Variants in CYTH1 observed in about 807,000 individuals in gnomAD.
The protein encoded by CYTH1 is cytohesin-1.
CYTH1 carries 18 observed loss-of-function variants against 61.8 expected under a neutral mutation model. That is an observed-to-expected ratio of 0.29 (90% CI 0.20 to 0.43). CYTH1 has a LOEUF of 0.43. CYTH1 is among the 20% of genes least tolerant of loss of function. The pLI, the probability that CYTH1 is intolerant of heterozygous loss-of-function variation, is 1.00. For missense variants in CYTH1, 336 were observed against 510.5 expected (o/e 0.66, Z 3.29); for synonymous variants, 174 against 184.3 (o/e 0.94, Z 0.45).
At chr17:78,766,256 C>A (rs1355566126) in intron 1 of CYTH1, among the ~76,000 whole-genome samples, 1 of 152,076 alleles carries the variant, frequency 6.6e-6, no homozygotes, top group East Asian at 1.9e-4. Flanking sequence ...TTTCAGCAGC[C>A]TTTTTATTTA....
At chr17:78,698,211 A>ACACGCACACG (rs2092966476) in intron 9 of CYTH1, 58 bp downstream of exon 9, 1 of 1,420,618 alleles carries the variant, frequency 7.0e-7, no homozygotes, top group East Asian at 2.3e-5. Context: ...ACACGCACAC[A>ACACGCACACG]CACCGCCTTT....
chr17:78,710,613 T>A (rs1035488647), intron 1 of CYTH1, among the ~76,000 whole-genome samples: 1 of 152,218 alleles, frequency 6.6e-6, no homozygotes, highest in African/African-American at 2.4e-5. Context: ...AATATCAAAT[T>A]AGGTCACTTC....
At chr17:78,752,484 G>A (rs1024731544) in intron 1 of CYTH1, among the ~76,000 whole-genome samples, 1 of 152,170 alleles carries the variant, frequency 6.6e-6, no homozygotes, top group African/African-American at 2.4e-5. Context: ...CCAGGCTGGA[G>A]TGTAGTGGTG....
At chr17:78,698,431 C>T in intron 8 of CYTH1, 51 bp from the exon 9 acceptor site, 1 of 1,436,908 alleles carries the variant, frequency 7.0e-7, no homozygotes. Context: ...ATATTTTTTC[C>T]TCCTCCCCTT....
intron 1 of CYTH1, among the ~76,000 whole-genome samples, chr17:78,738,515 G>A (rs2093329939): frequency 6.6e-6 from 1 of 152,096 alleles, no homozygotes. Context: ...ACAACGGGGC[G>A]CTGTCTCCAG....
intron 1 of CYTH1, among the ~76,000 whole-genome samples, chr17:78,737,743 T>C (rs951897198): frequency 6.6e-6 from 1 of 152,190 alleles, no homozygotes; most frequent in Non-Finnish European, 1.5e-5. Flanking sequence ...TTGTTGAAGA[T>C]TAGAAAATAG....
intron 1 of CYTH1, among the ~76,000 whole-genome samples, chr17:78,762,160 T>C (rs542594985): frequency 2.6e-5 from 4 of 152,352 alleles, no homozygotes; most frequent in Admixed American, 1.3e-4. Context: ...AAAAATTATC[T>C]TTACTCTCAG....
At position 78,692,553 on chromosome 17, in the gene CYTH1, C is replaced by T. The variant is rs749021541; in HGVS notation, c.815-60G>A. The T allele has an allele frequency of 3.1e-5, 45 of 1,466,490 alleles. No homozygotes were observed. In the Admixed American group the frequency reaches 3.7e-4, roughly 12 times the overall value. The allele number at this position is 1,466,490 out of a possible 1,614,324, so 90.8% of individuals were successfully genotyped here. On this transcript the variant is annotated intron_variant, in intron 10 of 13. Transcript: ENST00000446868. Reference sequence around the variant, plus strand: ...GACAACCAGACAAGTGCAGGCTCCACGACACACACGACACCCTCTCTTCTC... The same window carrying T: ...GACAACCAGACAAGTGCAGGCTCCATGACACACACGACACCCTCTCTTCTC...
At chr17:78,733,606 T>C (rs1337234371) in intron 1 of CYTH1, among the ~76,000 whole-genome samples, 2 of 152,242 alleles carry the variant, frequency 1.3e-5, no homozygotes. Context: ...GGGACAGGCA[T>C]GTAAGCCCGT....
intron 10 of CYTH1, among the ~76,000 whole-genome samples, chr17:78,694,284 T>G (rs1046711827): frequency 4.6e-5 from 7 of 152,202 alleles, no homozygotes; most frequent in Admixed American, 2.0e-4. Context: ...GCGAGGGAAT[T>G]TGCTGTAAGC....
chr17:78,700,179 G>T lies in CYTH1; in HGVS notation c.550+152C>A. 1 of 662,122 alleles carries T rather than the reference G, an allele frequency of 1.5e-6. No homozygotes were observed. The highest frequency in any genetic ancestry group is 2.4e-6 in the Non-Finnish European group (1 of 409,174). The allele number at this position is 662,122 out of a possible 1,614,324, so 41.0% of individuals were successfully genotyped here. On this transcript the variant is annotated intron_variant, in intron 7 of 13. Coordinates refer to ENST00000446868, the MANE Select transcript of CYTH1 (RefSeq NM_004762.6). The surrounding 1 kb of genome is among the most constrained non-coding windows in gnomAD (Gnocchi z 5.1). ...ATAGTGCCTTAATGTCAGACTTTCA[G>T]GTTATTTCCAACATTTTACTATTAT...
chr17:78,771,339 A>T (rs2093470589), intron 1 of CYTH1, among the ~76,000 whole-genome samples: 1 of 152,144 alleles, frequency 6.6e-6, no homozygotes, highest in South Asian at 2.1e-4. Flanking sequence ...ACTCAGGTGG[A>T]TGAAGCATGA....
chr17:78,686,990 A>G (rs2144102669), intron 11 of CYTH1, among the ~76,000 whole-genome samples: 1 of 152,168 alleles, frequency 6.6e-6, no homozygotes, highest in East Asian at 1.9e-4. Context: ...CATGTTGGTC[A>G]GGCTGGTCTC....
At chr17:78,708,377 A>G (rs1008283485) in intron 2 of CYTH1, 116 bp from the exon 3 acceptor site, 1 of 966,042 alleles carries the variant, frequency 1.0e-6, no homozygotes. Context: ...AATGAAACAA[A>G]ATATGACAAA....
rs1234964945 is a variant in CYTH1, at chr17:78,774,933, C to T, written c.22+7269G>A. Among the ~76,000 whole-genome samples the T allele has an allele frequency of 2.6e-5, 4 of 152,204 alleles. No individual in the cohort carries two copies. In the South Asian group the frequency reaches 8.3e-4, roughly 31 times the overall value. On this transcript the variant is annotated intron_variant, in intron 1 of 13. Coordinates refer to ENST00000446868, the MANE Select transcript of CYTH1 (RefSeq NM_004762.6). ...AACTACTCTCTTTTCTTATCAAACC[C>T]CCGAAGTACCCACCAGGGCATTCGG...
intron 1 of CYTH1, among the ~76,000 whole-genome samples, chr17:78,756,079 AT>A (rs143186254): frequency 2.9e-3 from 402 of 138,096 alleles, no homozygotes; most frequent in Middle Eastern, 3.7e-3. Flanking sequence ...ATTTATTTTT[AT>A]TTTTTTTTTT....
intron 11 of CYTH1, among the ~76,000 whole-genome samples, chr17:78,687,430 G>A (rs71385979): frequency 0.064 from 9,727 of 152,248 alleles, 634 homozygotes; most frequent in African/African-American, 0.15. Context: ...TGTCTCAAAC[G>A]TACTTTTAAG....
chr17:78,698,876 T>C lies in CYTH1; in HGVS notation c.643A>G (p.Ile215Val). 17 of 1,609,520 alleles carry C rather than the reference T, an allele frequency of 1.1e-5. No individual in the cohort carries two copies. The highest frequency in any genetic ancestry group is 1.4e-5 in the Non-Finnish European group (17 of 1,178,602). Residue 215 changes from isoleucine (I) to valine (V), a missense_variant, in exon 8 of 14, where the codon ATT becomes GTT. By Grantham distance (29) the Ile-to-Val change is conservative. Coordinates refer to ENST00000446868, the MANE Select transcript of CYTH1 (RefSeq NM_004762.6). ...TCATTGATGCCTCGGTTCATGGCAA[T>C]GAACCTCTCCACAGTGGGCTTATCT... ...VKDKPTVERF[I>V]AMNRGINDGG...
At chr17:78,734,869 T>C (rs1471433949) in intron 1 of CYTH1, among the ~76,000 whole-genome samples, 3 of 152,184 alleles carry the variant, frequency 2.0e-5, no homozygotes, top group East Asian at 3.8e-4. Context: ...AGGGCGTAAG[T>C]CTAGTTAAAA....
Sources: allele counts gnomAD v4.1 joint callset (sites outside exome capture counted in the v4.1 genomes callset), GRCh38; gene constraint gnomAD v4.1.1; non-coding constraint Gnocchi (gnomAD v3.1); transcripts MANE v1.5; gene names NCBI Gene and HGNC (gene_info 2026-07-23, HGNC 2026-07-21).